ERG: variants seen among roughly 807,000 people sequenced by gnomAD.
ERG encodes the protein ETS transcription factor ERG, also known as transcriptional regulator ERG.
A neutral mutation model predicts 55.3 loss-of-function variants in ERG; 9 were observed. The ratio of observed to expected loss-of-function variants is 0.16; its 90% CI spans 0.10 to 0.28. The LOEUF (loss-of-function observed/expected upper bound fraction) is 0.28, where lower values mean the gene tolerates loss of function less well. Among genes scored for constraint, ERG ranks in the 10% least tolerant of loss-of-function variants. The pLI is 1.00. For missense variants in ERG, 434 were observed against 631.6 expected (o/e 0.69, Z 3.35); for synonymous variants, 223 against 237.3 (o/e 0.94, Z 0.55).
intron 1 of ERG, among the ~76,000 whole-genome samples, chr21:38,464,188 A>G (rs1475071548): frequency 6.6e-6 from 1 of 152,220 alleles, no homozygotes; most frequent in Non-Finnish European, 1.5e-5. Flanking sequence ...ATCTTAGAAA[A>G]GTGTAATTAT....
intron 1 of ERG, chr21:38,449,049 G>A (rs1569107823): frequency 6.6e-6 from 1 of 152,324 alleles, no homozygotes; most frequent in East Asian, 1.9e-4. Flanking sequence ...GGCCAAGGTA[G>A]GCAGCTGCCT....
chr21:38,437,060 G>T (rs537501356), intron 2 of ERG, among the ~76,000 whole-genome samples: 2 of 151,886 alleles, frequency 1.3e-5, no homozygotes, highest in African/African-American at 4.8e-5. Flanking sequence ...GCTAACTTCT[G>T]TATTTTTTGT....
intron 1 of ERG, among the ~76,000 whole-genome samples, chr21:38,583,169 A>G (rs1201371906): frequency 6.6e-6 from 1 of 152,200 alleles, no homozygotes; most frequent in Non-Finnish European, 1.5e-5. Context: ...TATTAGGCAA[A>G]TCAGTCTTTC....
chr21:38,518,846 T>C (rs1023930633), intron 2 of ERG, among the ~76,000 whole-genome samples: 2 of 152,178 alleles, frequency 1.3e-5, no homozygotes, highest in African/African-American at 4.8e-5. Flanking sequence ...ATTAAGAGAA[T>C]CAAAAGGCAA....
chr21:38,553,533 A>G (rs948926215), intron 2 of ERG, among the ~76,000 whole-genome samples: 2 of 152,216 alleles, frequency 1.3e-5, no homozygotes, highest in Admixed American at 1.3e-4. Flanking sequence ...AATGTCACAC[A>G]TCTATAGTCA....
intron 2 of ERG, among the ~76,000 whole-genome samples, chr21:38,536,217 G>A (rs2836483): frequency 0.39 from 59,905 of 151,868 alleles, 12,880 homozygotes; most frequent in Non-Finnish European, 0.49. Context: ...AACCAAACCT[G>A]ACTTATACTT....
At chr21:38,397,110 T>A in intron 6 of ERG, among the ~76,000 whole-genome samples, 1 of 151,872 alleles carries the variant, frequency 6.6e-6, no homozygotes. Flanking sequence ...GGGATGAGGT[T>A]TGGACAAATG....
intron 1 of ERG, among the ~76,000 whole-genome samples, chr21:38,446,226 C>CAA (rs71184626): frequency 6.3e-5 from 4 of 63,596 alleles, no homozygotes; most frequent in Non-Finnish European, 8.1e-5. Flanking sequence ...ATAAATGAAC[C>CAA]AAAAAAAAAA....
intron 2 of ERG, among the ~76,000 whole-genome samples, chr21:38,554,004 T>TAA (rs150428263): frequency 1.1e-4 from 17 of 151,064 alleles, no homozygotes; most frequent in African/African-American, 3.4e-4. Flanking sequence ...ACAACTTCTT[T>TAA]AAAAAAAATG....
chr21:38,391,955 TAA>T (rs34250716), intron 7 of ERG, among the ~76,000 whole-genome samples: 3 of 141,868 alleles, frequency 2.1e-5, no homozygotes, highest in African/African-American at 2.7e-5. Flanking sequence ...TTTCCAAAAG[TAA>T]AAAAAAAAAA....
At chr21:38,599,079 G>A (rs1017292641) in intron 1 of ERG, among the ~76,000 whole-genome samples, 1 of 152,176 alleles carries the variant, frequency 6.6e-6, no homozygotes, top group Non-Finnish European at 1.5e-5. Context: ...CTAGGGTTCT[G>A]AGCTACCAGG....
chr21:38,596,754 C>G (rs1335775213), intron 1 of ERG, among the ~76,000 whole-genome samples: 3 of 152,170 alleles, frequency 2.0e-5, no homozygotes, highest in Admixed American at 6.5e-5. Flanking sequence ...TCTCACCCAG[C>G]CAAGATGGCC....
chr21:38,529,016 G>A (rs1009922844), intron 2 of ERG, among the ~76,000 whole-genome samples: 5 of 152,178 alleles, frequency 3.3e-5, no homozygotes, highest in East Asian at 3.9e-4. Context: ...GGGAGCACAC[G>A]GGCCCTGAGG....
chr21:38,384,959 A>C (rs900768500), intron 9 of ERG, among the ~76,000 whole-genome samples: 1 of 152,214 alleles, frequency 6.6e-6, no homozygotes, highest in African/African-American at 2.4e-5. Flanking sequence ...GTTAAGCAGC[A>C]TTTCCAGAAG....
chr21:38,411,830 TG>T (rs1989069286), intron 3 of ERG, among the ~76,000 whole-genome samples: 1 of 152,234 alleles, frequency 6.6e-6, no homozygotes, highest in Admixed American at 6.5e-5. Flanking sequence ...AAATTGGACT[TG>T]ACTATTTCTT....
downstream of ERG, chr21:38,379,908 A>C (rs1327469339): frequency 2.0e-6 from 1 of 498,010 alleles, no homozygotes. Flanking sequence ...CATGTTGCCC[A>C]GGCTGGTCCC....
chr21:38,452,334 T>C (rs2058948873), intron 1 of ERG, among the ~76,000 whole-genome samples: 2 of 152,054 alleles, frequency 1.3e-5, no homozygotes, highest in Admixed American at 6.5e-5. Flanking sequence ...CAAATACATA[T>C]ATACATACAC....
intron 2 of ERG, among the ~76,000 whole-genome samples, chr21:38,503,979 G>T (rs1418274374): frequency 6.6e-6 from 1 of 152,108 alleles, no homozygotes; most frequent in Admixed American, 6.5e-5. Context: ...CACTCCATTG[G>T]ATACAACTAT....
chr21:38,496,749 C>T (rs570740499), intron 1 of ERG, among the ~76,000 whole-genome samples: 1 of 152,100 alleles, frequency 6.6e-6, no homozygotes, highest in Non-Finnish European at 1.5e-5. Flanking sequence ...TAAATGTATA[C>T]TTCAAATTAA....
Sources: gnomAD v4.1 joint callset for allele counts (sites outside exome capture counted in the v4.1 genomes callset) on GRCh38, gnomAD v4.1.1 for gene constraint, MANE v1.5 for transcripts, NCBI Gene and HGNC (gene_info 2026-07-23, HGNC 2026-07-21) for gene names.